Variants in ADGRL2 observed in about 807,000 individuals in gnomAD.
The protein encoded by ADGRL2 is calcium-independent alpha-latrotoxin receptor 2.
In ADGRL2, 44 loss-of-function variants were observed where a neutral mutation model predicts 157.4. The observed-to-expected ratio is 0.28, with a 90% CI of 0.22 to 0.36. The LOEUF is 0.36. ADGRL2 is among the 10% of genes least tolerant of loss of function. ADGRL2 has a pLI of 1.00. For missense variants in ADGRL2, 1,510 were observed against 1,768.9 expected (o/e 0.85, Z 2.63); for synonymous variants, 585 against 624.7 (o/e 0.94, Z 0.95).
chr1:81,830,753 C>T (rs1052475095), intron 1 of ADGRL2, among the ~76,000 whole-genome samples: 11 of 152,218 alleles, frequency 7.2e-5, no homozygotes, highest in Middle Eastern at 3.4e-3. Context: ...GTGATCCACC[C>T]GCCTCTGCCT....
At chr1:81,707,436 C>G (rs996573988) in intron 1 of ADGRL2, among the ~76,000 whole-genome samples, 1 of 152,134 alleles carries the variant, frequency 6.6e-6, no homozygotes, top group African/African-American at 2.4e-5. Context: ...TAGGAAAAGG[C>G]CTTGATGATA....
chr1:81,840,345 C>CT lies in ADGRL2; in HGVS notation c.73+3297dup, dbSNP rs201689620. 4.3e-3 allele frequency among the ~76,000 whole-genome samples: 648 copies of CT among 151,418 alleles called. 4 individuals are homozygous for CT. Among genetic ancestry groups the CT allele is most frequent in the African/African-American group, 0.013 (551 of 41,266 alleles). On this transcript the variant is annotated intron_variant, in intron 2 of 23. Coordinates refer to ENST00000686636, the MANE Select transcript of ADGRL2 (RefSeq NM_001366006.2). The stretch of plus-strand genomic sequence containing the variant: ...ATGGGTTATGCCTTTCCTTTTAGAT[C>CT]TTTTTTTTTCCTCCTGTTACAGTTG...
At chr1:81,917,940 C>T (rs2094896269) in intron 3 of ADGRL2, among the ~76,000 whole-genome samples, 1 of 152,160 alleles carries the variant, frequency 6.6e-6, no homozygotes, top group South Asian at 2.1e-4. Flanking sequence ...TTCATGGGGT[C>T]AAATACATAC....
intron 1 of ADGRL2, among the ~76,000 whole-genome samples, chr1:81,747,061 CAT>C (rs780204240): frequency 5.5e-5 from 8 of 144,442 alleles, no homozygotes; most frequent in African/African-American, 1.5e-4. Context: ...CGTATATACA[CAT>C]GTGTATATAT....
At chr1:81,687,001 T>A (rs932141449) in intron 3 of ADGRL2, among the ~76,000 whole-genome samples, 3 of 152,220 alleles carry the variant, frequency 2.0e-5, no homozygotes, top group African/African-American at 7.2e-5. Flanking sequence ...AAAGAATGCT[T>A]GATATAATTT....
At chr1:81,447,607 C>A (rs1457987566) in intron 2 of ADGRL2, among the ~76,000 whole-genome samples, 1 of 152,020 alleles carries the variant, frequency 6.6e-6, no homozygotes, top group African/African-American at 2.4e-5. Context: ...TAGCATCTCT[C>A]TAAAATTTTT....
chr1:81,680,747 G>C (rs1168094557), intron 3 of ADGRL2, among the ~76,000 whole-genome samples: 2 of 151,912 alleles, frequency 1.3e-5, no homozygotes, highest in Non-Finnish European at 2.9e-5. Context: ...TTAAAGAAGG[G>C]GCAAGTATGA....
chr1:81,902,224 G>T (rs892272716), intron 2 of ADGRL2, among the ~76,000 whole-genome samples: 5 of 152,114 alleles, frequency 3.3e-5, no homozygotes, highest in Admixed American at 6.5e-5. Context: ...TGAGGACCAG[G>T]GTTCTTATTA....
chr1:81,427,276 T>A, intron 1 of ADGRL2: 1 of 738,058 alleles, frequency 1.4e-6, no homozygotes, highest in Non-Finnish European at 2.5e-6. Context: ...GAGGTGATGG[T>A]GGATATAATG....
At chr1:81,308,529 T>C (rs1389134154) in intron 1 of ADGRL2, among the ~76,000 whole-genome samples, 1 of 152,096 alleles carries the variant, frequency 6.6e-6, no homozygotes, top group Non-Finnish European at 1.5e-5. Flanking sequence ...CTGTCAGCAG[T>C]CAAGCTGAGG....
At chr1:81,859,584 T>C (rs1296116990) in intron 2 of ADGRL2, among the ~76,000 whole-genome samples, 1 of 151,908 alleles carries the variant, frequency 6.6e-6, no homozygotes, top group Non-Finnish European at 1.5e-5. Context: ...TTTTTGTATT[T>C]TTTTGTAGAC....
intron 17 of ADGRL2, among the ~76,000 whole-genome samples, chr1:81,977,978 T>C (rs12740573): frequency 2.5e-3 from 384 of 151,848 alleles, no homozygotes; most frequent in Non-Finnish European, 3.9e-3. Context: ...ATTTGTTTAC[T>C]TGGGTTTTTA....
chr1:81,566,632 T>A (rs2148476917), intron 2 of ADGRL2, among the ~76,000 whole-genome samples: 1 of 152,256 alleles, frequency 6.6e-6, no homozygotes, highest in East Asian at 1.9e-4. Context: ...ATCTCCCAGG[T>A]ACATTTTGCC....
At chr1:81,691,603 A>T (rs949474018) in intron 3 of ADGRL2, among the ~76,000 whole-genome samples, 3 of 151,568 alleles carry the variant, frequency 2.0e-5, no homozygotes, top group Non-Finnish European at 2.9e-5. Context: ...GGTTCAAGTG[A>T]TTCTCCTGCC....
chr1:81,972,051 A>T, intron 17 of ADGRL2, 133 bp downstream of exon 17: 1 of 450,644 alleles, frequency 2.2e-6, no homozygotes, highest in Non-Finnish European at 3.9e-6. Context: ...TCACAGGATA[A>T]TAGTATATTT....
At chr1:81,775,035 T>C (rs1396430003) in intron 2 of ADGRL2, among the ~76,000 whole-genome samples, 6 of 152,148 alleles carry the variant, frequency 3.9e-5, no homozygotes, top group South Asian at 2.1e-4. Flanking sequence ...ATTTCTCTTG[T>C]AGTTGTTTTG....
At chr1:81,859,499 T>C (rs867089361) in intron 2 of ADGRL2, among the ~76,000 whole-genome samples, 1 of 151,184 alleles carries the variant, frequency 6.6e-6, no homozygotes, top group South Asian at 2.1e-4. Context: ...CTCCACCTTC[T>C]GGGCTCAAGC....
chr1:81,557,489 G>GAAAGA, intron 2 of ADGRL2: 1 of 113,380 alleles, frequency 8.8e-6, no homozygotes, highest in South Asian at 3.0e-4. Flanking sequence ...AAAGAAGAAA[G>GAAAGA]AAAGAAAGAA....
At chr1:81,981,153 A>G in intron 18 of ADGRL2, 1 of 415,588 alleles carries the variant, frequency 2.4e-6, no homozygotes, top group East Asian at 6.5e-5. Flanking sequence ...TTTATCAAGT[A>G]AGATCATTAG....
Sources: allele counts gnomAD v4.1 joint callset (sites outside exome capture counted in the v4.1 genomes callset), GRCh38; gene constraint gnomAD v4.1.1; transcripts MANE v1.5; gene names NCBI Gene and HGNC (gene_info 2026-07-23, HGNC 2026-07-21).